IL15: variants seen among roughly 807,000 people sequenced by gnomAD.
IL15 encodes interleukin 15.
Under a neutral mutation model 19.6 loss-of-function variants are expected in IL15, and 11 were observed. That is an observed-to-expected ratio of 0.56 (90% CI 0.35 to 0.93). The LOEUF (loss-of-function observed/expected upper bound fraction) is 0.93. Ranked by LOEUF, IL15 falls within the 40% of genes least tolerant of loss-of-function variation. The pLI, the probability that IL15 is intolerant of heterozygous loss-of-function variation, is 0.01. For missense variants in IL15, 197 were observed against 186.5 expected (o/e 1.06, Z -0.33); for synonymous variants, 58 against 59.6 (o/e 0.97, Z 0.12).
At chr4:141,687,673 C>T (rs373031278) in intron 2 of IL15, among the ~76,000 whole-genome samples, 2 of 152,006 alleles carry the variant, frequency 1.3e-5, no homozygotes, top group Non-Finnish European at 2.9e-5. Context: ...TCATTAAAAC[C>T]CTAGGAATTT....
rs905429597 is a variant in IL15, at chr4:141,731,213, C to T, written c.378+1229C>T. On this transcript the variant is annotated intron_variant, in intron 7 of 7. Coordinates refer to ENST00000320650, the MANE Select transcript of IL15 (RefSeq NM_000585.5). ...ACCTTCTCAGTGATTTACCTATTTA[C>T]AGTTGCAATCCCTTCCCTATCTGAG... Among the ~76,000 whole-genome samples the T allele has an allele frequency of 2.6e-5, 4 of 152,138 alleles. No homozygotes were observed. The South Asian group carries it at 8.3e-4, about 31-fold the overall frequency.
At chr4:141,730,747 T>G (rs1439878608) in intron 7 of IL15, among the ~76,000 whole-genome samples, 3 of 152,128 alleles carry the variant, frequency 2.0e-5, no homozygotes, top group Non-Finnish European at 4.4e-5. Flanking sequence ...GAATTAGGGC[T>G]TTCATGGCAA....
At chr4:141,697,142 G>A (rs1000098890) in intron 2 of IL15, among the ~76,000 whole-genome samples, 2 of 152,026 alleles carry the variant, frequency 1.3e-5, no homozygotes, top group African/African-American at 4.8e-5. Flanking sequence ...TATGCTTTCA[G>A]CTCTTAGATT....
At chr4:141,727,093 T>A (rs894892185) in intron 5 of IL15, among the ~76,000 whole-genome samples, 41 of 152,254 alleles carry the variant, frequency 2.7e-4, no homozygotes, top group Admixed American at 2.6e-3. Flanking sequence ...CAGGCTACTT[T>A]TAAAGCAGTG....
intron 2 of IL15, among the ~76,000 whole-genome samples, chr4:141,664,896 A>T (rs1283474291): frequency 6.6e-6 from 1 of 152,100 alleles, no homozygotes; most frequent in Non-Finnish European, 1.5e-5. Context: ...TAAAAATACA[A>T]ATTTGCAATT....
intron 4 of IL15, chr4:141,721,547 A>G (rs1730081539): frequency 1.9e-6 from 1 of 525,662 alleles, no homozygotes; most frequent in Admixed American, 2.3e-5. Context: ...TATTTATTAG[A>G]CTTCAAAGTC....
intron 1 of IL15, among the ~76,000 whole-genome samples, chr4:141,643,322 T>C (rs1249903694): frequency 1.3e-5 from 2 of 152,178 alleles, no homozygotes; most frequent in African/African-American, 4.8e-5. Flanking sequence ...TGCTCACTTC[T>C]ATATCTGCTT....
intron 1 of IL15, among the ~76,000 whole-genome samples, chr4:141,644,035 G>A (rs1279595478): frequency 6.6e-6 from 1 of 151,672 alleles, no homozygotes; most frequent in Non-Finnish European, 1.5e-5. Flanking sequence ...GTCTCTTTAT[G>A]TCATATTCCA....
At chr4:141,692,909 C>T (rs1051954652) in intron 2 of IL15, among the ~76,000 whole-genome samples, 1 of 150,292 alleles carries the variant, frequency 6.7e-6, no homozygotes, top group Non-Finnish European at 1.5e-5. Flanking sequence ...GCAGTACCCC[C>T]ATCTGCCAAT....
intron 1 of IL15, among the ~76,000 whole-genome samples, chr4:141,641,060 G>T (rs1340285907): frequency 1.3e-5 from 2 of 152,134 alleles, no homozygotes; most frequent in Admixed American, 1.3e-4. Context: ...TGGGTATTTT[G>T]CTTATGTGCC....
At chr4:141,653,137 A>G (rs1410597919) in intron 1 of IL15, among the ~76,000 whole-genome samples, 4 of 152,250 alleles carry the variant, frequency 2.6e-5, no homozygotes, top group African/African-American at 9.6e-5. Context: ...CCACTGGAAA[A>G]TTGTTTAGTA....
At chr4:141,665,269 G>A (rs908369340) in intron 2 of IL15, among the ~76,000 whole-genome samples, 5 of 151,964 alleles carry the variant, frequency 3.3e-5, no homozygotes, top group Non-Finnish European at 7.4e-5. Context: ...ACACCCAAAT[G>A]CTAAACGTTT....
intron 2 of IL15, among the ~76,000 whole-genome samples, chr4:141,675,170 A>G (rs150831461): frequency 1.3e-5 from 2 of 152,278 alleles, no homozygotes; most frequent in East Asian, 1.9e-4. Flanking sequence ...AACCAGATGA[A>G]CAGTGTAGCC....
chr4:141,693,799 A>G (rs1164003856), intron 2 of IL15, among the ~76,000 whole-genome samples: 2 of 152,212 alleles, frequency 1.3e-5, no homozygotes, highest in African/African-American at 2.4e-5. Flanking sequence ...ACTACTCTGG[A>G]AGGAAGAAAA....
At chr4:141,705,969 G>T (rs1729501318) in intron 2 of IL15, among the ~76,000 whole-genome samples, 1 of 151,576 alleles carries the variant, frequency 6.6e-6, no homozygotes, top group Non-Finnish European at 1.5e-5. Context: ...TGTTATGCTT[G>T]TTGGCAGCAT....
chr4:141,651,449 G>A (rs1727403954), intron 1 of IL15, among the ~76,000 whole-genome samples: 1 of 152,054 alleles, frequency 6.6e-6, no homozygotes, highest in African/African-American at 2.4e-5. Context: ...GATGGAAAGA[G>A]GTTGAGGGAT....
intron 2 of IL15, chr4:141,718,840 G>T (rs1249605769): frequency 6.6e-6 from 1 of 152,112 alleles, no homozygotes; most frequent in African/African-American, 2.4e-5. Flanking sequence ...ATGGCATGGA[G>T]TTGAATTTAG....
At chr4:141,697,125 G>A (rs531163974) in intron 2 of IL15, among the ~76,000 whole-genome samples, 1 of 152,098 alleles carries the variant, frequency 6.6e-6, no homozygotes, top group East Asian at 1.9e-4. Context: ...TTGTCTTCCA[G>A]AATTTGTATG....
intron 7 of IL15, among the ~76,000 whole-genome samples, chr4:141,732,359 T>C (rs1003094048): frequency 1.3e-5 from 2 of 152,102 alleles, no homozygotes; most frequent in African/African-American, 4.8e-5. Context: ...GGGCATAACA[T>C]TGAGGCAAGG....
Sources: allele counts gnomAD v4.1 joint callset (sites outside exome capture counted in the v4.1 genomes callset), GRCh38; gene constraint gnomAD v4.1.1; transcripts MANE v1.5; gene names NCBI Gene and HGNC (gene_info 2026-07-23, HGNC 2026-07-21).